Variants in ITPK1 observed in about 807,000 individuals in gnomAD.
ITPK1 encodes the protein inositol 1,3,4-trisphosphate 5/6-kinase.
In ITPK1, 21 loss-of-function variants were observed where a neutral mutation model predicts 45.3. The observed-to-expected ratio is 0.46, with a 90% confidence interval of 0.33 to 0.67. ITPK1 has a LOEUF of 0.67. Among genes scored for constraint, ITPK1 ranks in the 30% least tolerant of loss-of-function variants. The pLI is 0.02. For missense variants in ITPK1, 474 were observed against 573.5 expected (o/e 0.83, Z 1.77); for synonymous variants, 258 against 253.6 (o/e 1.02, Z -0.16).
At chr14:93,081,823 C>T (rs753592174) in intron 2 of ITPK1, among the ~76,000 whole-genome samples, 2 of 152,292 alleles carry the variant, frequency 1.3e-5, no homozygotes, top group East Asian at 1.9e-4. Flanking sequence ...AGGTGGGGCA[C>T]GCCTCAGAGG....
intron 3 of ITPK1, among the ~76,000 whole-genome samples, chr14:93,054,623 C>T (rs565288127): frequency 4.6e-5 from 7 of 152,148 alleles, no homozygotes; most frequent in Non-Finnish European, 1.0e-4. Context: ...AGAAAGATGC[C>T]GCTGGGGCTA....
At chr14:93,020,673 G>A (rs1888420438) in intron 3 of ITPK1, among the ~76,000 whole-genome samples, 1 of 152,124 alleles carries the variant, frequency 6.6e-6, no homozygotes, top group South Asian at 2.1e-4. Flanking sequence ...TGCGCTGGGG[G>A]CTGCTCTTCC....
At chr14:92,955,478 G>C (rs2139725871) in intron 8 of ITPK1, among the ~76,000 whole-genome samples, 1 of 152,312 alleles carries the variant, frequency 6.6e-6, no homozygotes, top group East Asian at 1.9e-4. Flanking sequence ...GGAGAGCAAA[G>C]GAACCCGCTA....
At chr14:93,096,723 T>C (rs564059213) in intron 2 of ITPK1, among the ~76,000 whole-genome samples, 13 of 152,338 alleles carry the variant, frequency 8.5e-5, no homozygotes, top group African/African-American at 3.1e-4. Flanking sequence ...CCAGTTGGAA[T>C]GTTCAAGAAT....
At chr14:93,008,378 G>A (rs548361776) in intron 4 of ITPK1, among the ~76,000 whole-genome samples, 2 of 130,486 alleles carry the variant, frequency 1.5e-5, no homozygotes, top group South Asian at 4.6e-4. Flanking sequence ...TGTTGCATCT[G>A]TAATGTCTTT....
At chr14:92,944,153 G>A (rs1887569553) in intron 10 of ITPK1, among the ~76,000 whole-genome samples, 2 of 152,198 alleles carry the variant, frequency 1.3e-5, no homozygotes, top group African/African-American at 4.8e-5. Flanking sequence ...CTCTGGAGGG[G>A]CCCTCTCCCA....
chr14:93,102,660 A>T (rs1892366831), intron 2 of ITPK1, among the ~76,000 whole-genome samples: 1 of 152,048 alleles, frequency 6.6e-6, no homozygotes, highest in Non-Finnish European at 1.5e-5. Context: ...ACAAAAAAGA[A>T]AAAGAAAATA....
chr14:92,953,916 T>C (rs555240100), intron 8 of ITPK1, among the ~76,000 whole-genome samples: 1 of 152,304 alleles, frequency 6.6e-6, no homozygotes, highest in South Asian at 2.1e-4. Context: ...TTTTTTGAGA[T>C]GGAGTCTCAC....
At chr14:93,114,128 G>C (rs1022965969) in intron 2 of ITPK1, among the ~76,000 whole-genome samples, 3 of 152,276 alleles carry the variant, frequency 2.0e-5, no homozygotes, top group Admixed American at 6.5e-5. Flanking sequence ...TCCACCTGGA[G>C]TTTGCAAAAG....
Position 93,032,337 on chromosome 14 carries a change from G to A in ITPK1, c.121-15536C>T, listed in dbSNP as rs544605026. On this transcript the variant is annotated intron_variant, in intron 3 of 10. Coordinates refer to ENST00000267615, the MANE Select transcript of ITPK1 (RefSeq NM_014216.6). This position sits in a 1 kb window ranked among gnomAD's most constrained non-coding sequence, Gnocchi z 4.0. The stretch of plus-strand genomic sequence containing the variant: ...TGCACTCCAGGCTGGGCGACAGAGC[G>A]AGACTCCATCTCAAATAATAATAAT... 2.8e-5 allele frequency among the ~76,000 whole-genome samples: 4 copies of A among 142,550 alleles called. No homozygotes were observed. The highest frequency in any genetic ancestry group is 7.2e-5 in the Admixed American group (1 of 13,920). 93.5% of individuals were successfully genotyped at this position (142,550 alleles called of 152,430 possible).
rs188840630 is a variant in ITPK1, at chr14:93,053,326, G to A, written c.120+23269C>T. ...AGATGTGCTCCCTGGGGGTTCCAGT[G>A]CACACTCCAGTTTGAGAACCATTAC... On this transcript the variant is annotated intron_variant, in intron 3 of 10. Coordinates refer to ENST00000267615, the MANE Select transcript of ITPK1 (RefSeq NM_014216.6). Among the ~76,000 whole-genome samples the A allele has an allele frequency of 5.5e-4, 83 of 152,078 alleles. 1 individual carries two copies. The highest frequency in any genetic ancestry group is 2.0e-3 in the African/African-American group (81 of 41,476).
chr14:93,065,852 T>C (rs962402440), intron 3 of ITPK1, among the ~76,000 whole-genome samples: 8 of 152,296 alleles, frequency 5.3e-5, no homozygotes, highest in Non-Finnish European at 1.2e-4. Flanking sequence ...GGGAAGCTGG[T>C]GCAGCCACTC....
At chr14:93,001,056 T>G (rs1267427655) in intron 4 of ITPK1, among the ~76,000 whole-genome samples, 15 of 141,310 alleles carry the variant, frequency 1.1e-4, no homozygotes, top group Non-Finnish European at 1.5e-4. Context: ...GACGCGGGAG[T>G]ATCACAAGGT....
rs528135693 is a variant in ITPK1 at position 93,012,365 on chromosome 14, G to A, written c.246+4311C>T. 2.6e-5 allele frequency among the ~76,000 whole-genome samples: 4 copies of A among 152,288 alleles called. No homozygotes were observed. The highest frequency in any genetic ancestry group is 1.3e-4 in the Admixed American group (2 of 15,292). On this transcript the variant is annotated intron_variant, in intron 4 of 10. Coordinates refer to ENST00000267615, the MANE Select transcript of ITPK1 (RefSeq NM_014216.6). This position sits in a 1 kb window ranked among gnomAD's most constrained non-coding sequence, Gnocchi z 4.9. ...CGAGGGAGGACATTTCTTGGGAAGG[G>A]GCACTGAGCTGACGGAACAGCTTGT... is the stretch of plus-strand genomic sequence containing the variant.
At chr14:92,954,381 A>G (rs1888098817) in intron 8 of ITPK1, among the ~76,000 whole-genome samples, 1 of 152,222 alleles carries the variant, frequency 6.6e-6, no homozygotes, top group Non-Finnish European at 1.5e-5. Context: ...AGAAGGCATC[A>G]GGGAAAGAAA....
At chr14:93,039,909 C>T (rs1437713081) in intron 3 of ITPK1, among the ~76,000 whole-genome samples, 1 of 152,120 alleles carries the variant, frequency 6.6e-6, no homozygotes, top group Non-Finnish European at 1.5e-5. Context: ...TCTTACTGGC[C>T]CTCTGTCCTC....
intron 4 of ITPK1, among the ~76,000 whole-genome samples, chr14:93,007,302 T>G (rs915157500): frequency 6.6e-6 from 1 of 152,302 alleles, no homozygotes; most frequent in Middle Eastern, 3.4e-3. Context: ...GAAGAGCAGC[T>G]TCCCTACATC....
intron 5 of ITPK1, among the ~76,000 whole-genome samples, chr14:92,982,049 G>A (rs1408718535): frequency 6.6e-6 from 1 of 152,254 alleles, no homozygotes; most frequent in Non-Finnish European, 1.5e-5. Flanking sequence ...ACCCAGGAGA[G>A]GGAATGGGCA....
At chr14:92,949,736 C>T (rs146962648) in intron 9 of ITPK1, among the ~76,000 whole-genome samples, 2 of 152,244 alleles carry the variant, frequency 1.3e-5, no homozygotes, top group African/African-American at 4.8e-5. Flanking sequence ...CCCCATGGCA[C>T]GCCATTTACA....
Sources: gnomAD v4.1 joint callset for allele counts (sites outside exome capture counted in the v4.1 genomes callset) on GRCh38, gnomAD v4.1.1 for gene constraint, Gnocchi (gnomAD v3.1) non-coding constraint, MANE v1.5 for transcripts, NCBI Gene and HGNC (gene_info 2026-07-23, HGNC 2026-07-21) for gene names.